TMEM51: variants seen among roughly 807,000 people sequenced by gnomAD.
The protein encoded by TMEM51 is transmembrane protein 51, also known as chromosome 1 open reading frame 72.
TMEM51 carries 8 observed loss-of-function variants against 13.6 expected under a neutral mutation model. The observed-to-expected ratio is 0.59, with a 90% CI of 0.35 to 1.07. TMEM51 has a LOEUF of 1.07. Ranked by LOEUF, TMEM51 falls within the 50% of genes least tolerant of loss-of-function variation. TMEM51 has a pLI of 0.02. For synonymous variants in TMEM51, 147 were observed against 144.4 expected (o/e 1.02, Z -0.13); for missense variants, 279 against 330.7 (o/e 0.84, Z 1.21).
intron 1 of TMEM51, among the ~76,000 whole-genome samples, chr1:15,160,768 C>A: frequency 6.9e-6 from 1 of 145,538 alleles, no homozygotes; most frequent in Non-Finnish European, 1.5e-5. Flanking sequence ...TTGCCTGTAG[C>A]TAAACACCGG....
chr1:15,186,811 G>T (rs1643790786), intron 1 of TMEM51, among the ~76,000 whole-genome samples: 1 of 105,402 alleles, frequency 9.5e-6, no homozygotes. Context: ...GAGAGGGCAG[G>T]CCAGGGGGCA....
At position 15,182,375 on chromosome 1, in the gene TMEM51, C is replaced by T. The variant is rs905902484; in HGVS notation, c.-266-28115C>T. Reference sequence around the variant, plus strand: ...GACATAGCCATGGCGCCTGCCCAATCGGACTGTCGTAAGATCAAGCAGGCA... The same window carrying T: ...GACATAGCCATGGCGCCTGCCCAATTGGACTGTCGTAAGATCAAGCAGGCA... On this transcript the variant is annotated intron_variant, in intron 1 of 3. Transcript: ENST00000376008. 3.3e-5 allele frequency among the ~76,000 whole-genome samples: 5 copies of T among 152,130 alleles called. No individual in the cohort carries two copies. In the East Asian group the frequency reaches 5.8e-4, roughly 18 times the overall value.
At chr1:15,214,866 C>T in intron 2 of TMEM51, 29 bp from the exon 3 acceptor site, 7 of 562,250 alleles carry the variant, frequency 1.2e-5, no homozygotes, top group Middle Eastern at 4.6e-4. Context: ...AACTGATCGT[C>T]CTCTCTGCTC....
intron 1 of TMEM51, among the ~76,000 whole-genome samples, chr1:15,160,157 G>A (rs1478287224): frequency 6.6e-6 from 1 of 152,100 alleles, no homozygotes; most frequent in Non-Finnish European, 1.5e-5. Context: ...GAAGCAGGTG[G>A]AATTTACTTG....
intron 1 of TMEM51, among the ~76,000 whole-genome samples, chr1:15,183,808 C>A (rs1263421644): frequency 6.6e-6 from 1 of 152,220 alleles, no homozygotes; most frequent in Non-Finnish European, 1.5e-5. Flanking sequence ...AGACAGAGAA[C>A]TGCATGGACA....
intron 1 of TMEM51, among the ~76,000 whole-genome samples, chr1:15,203,847 G>C (rs1644202853): frequency 6.6e-6 from 1 of 152,186 alleles, no homozygotes; most frequent in Non-Finnish European, 1.5e-5. Context: ...TGACAGAGCT[G>C]AGACTGAGAG....
At chr1:15,159,109 C>A (rs2100808972) in intron 1 of TMEM51, among the ~76,000 whole-genome samples, 1 of 152,288 alleles carries the variant, frequency 6.6e-6, no homozygotes, top group Admixed American at 6.5e-5. Flanking sequence ...GTGGTGGAGG[C>A]AGGGCCGACA....
chr1:15,191,819 C>T, intron 1 of TMEM51: 1 of 438,246 alleles, frequency 2.3e-6, no homozygotes, highest in Non-Finnish European at 4.6e-6. Context: ...TGATGTTACT[C>T]TAGTGGCCAA....
rs796183998 is a variant in TMEM51, at chr1:15,182,204, A to C, written c.-267+28250A>C. On this transcript the variant is annotated intron_variant, in intron 1 of 3. Coordinates refer to ENST00000376008, the MANE Select transcript of TMEM51 (RefSeq NM_001136218.2). ...AATAAATAAATAAATAAATAAATAA[A>C]TAACTGCACTAGGCTGAAAGCAGAA... 6.8e-4 allele frequency among the ~76,000 whole-genome samples: 95 copies of C among 138,742 alleles called. 1 individual carries two copies. The highest frequency in any genetic ancestry group is 1.7e-3 in the Admixed American group (24 of 14,124). 91.0% of individuals were successfully genotyped at this position (138,742 alleles called of 152,430 possible). A position where few individuals can be genotyped will look rare whatever the true frequency, so the allele number is the denominator to read the frequency against.
intron 1 of TMEM51, among the ~76,000 whole-genome samples, chr1:15,158,162 G>A (rs991010816): frequency 6.6e-6 from 1 of 152,142 alleles, no homozygotes; most frequent in African/African-American, 2.4e-5. Context: ...GTGACTTCAC[G>A]CAGGATCTAA....
intron 1 of TMEM51, among the ~76,000 whole-genome samples, chr1:15,183,229 C>A (rs1573406282): frequency 6.6e-6 from 1 of 152,216 alleles, no homozygotes; most frequent in Non-Finnish European, 1.5e-5. Flanking sequence ...GGATAAATAT[C>A]CCCCAACAGC....
At chr1:15,213,835 T>C (rs1644380146) in intron 2 of TMEM51, among the ~76,000 whole-genome samples, 1 of 152,020 alleles carries the variant, frequency 6.6e-6, no homozygotes, top group South Asian at 2.1e-4. Context: ...TCATCCAACA[T>C]TGACTCTGCA....
chr1:15,197,027 C>G (rs546638238), intron 1 of TMEM51, among the ~76,000 whole-genome samples: 7 of 152,332 alleles, frequency 4.6e-5, no homozygotes, highest in African/African-American at 1.4e-4. Flanking sequence ...AGGACTCACT[C>G]CCTGCCGTTT....
chr1:15,157,959 G>T (rs1642644223), intron 1 of TMEM51, among the ~76,000 whole-genome samples: 2 of 152,110 alleles, frequency 1.3e-5, no homozygotes, highest in African/African-American at 2.4e-5. Flanking sequence ...GTTTGTTGTT[G>T]TTGCTTTTGA....
At chr1:15,177,757 C>T (rs955675081) in intron 1 of TMEM51, among the ~76,000 whole-genome samples, 2 of 152,118 alleles carry the variant, frequency 1.3e-5, no homozygotes, top group Admixed American at 6.5e-5. Context: ...GTAAGAACAC[C>T]GGTGTTAAAC....
intron 1 of TMEM51, among the ~76,000 whole-genome samples, chr1:15,171,827 A>G (rs1422401357): frequency 6.6e-6 from 1 of 152,130 alleles, no homozygotes; most frequent in African/African-American, 2.4e-5. Flanking sequence ...TTGAACCCAC[A>G]GGTGGTTTCT....
At chr1:15,213,525 G>A (rs1437637381) in intron 2 of TMEM51, among the ~76,000 whole-genome samples, 2 of 152,200 alleles carry the variant, frequency 1.3e-5, no homozygotes, top group African/African-American at 4.8e-5. Flanking sequence ...GGTTTAGCAA[G>A]GGGCATTGCT....
intron 1 of TMEM51, chr1:15,164,377 A>C: frequency 2.2e-6 from 1 of 456,044 alleles, no homozygotes; most frequent in Non-Finnish European, 4.4e-6. Context: ...AGTACTGGTT[A>C]GTGTTTTGTA....
chr1:15,210,047 G>A (rs888070755), intron 1 of TMEM51, among the ~76,000 whole-genome samples: 3 of 152,066 alleles, frequency 2.0e-5, no homozygotes, highest in Non-Finnish European at 4.4e-5. Context: ...AGGAAGGGAG[G>A]AAGGGAGGGA....
Sources: gnomAD v4.1 joint callset for allele counts (sites outside exome capture counted in the v4.1 genomes callset) on GRCh38, gnomAD v4.1.1 for gene constraint, MANE v1.5 for transcripts, NCBI Gene and HGNC (gene_info 2026-07-23, HGNC 2026-07-21) for gene names.